Variants in CRLF3 observed in about 807,000 individuals in gnomAD.
CRLF3 encodes cytokine receptor like factor 3.
Under a neutral mutation model 55.0 loss-of-function variants are expected in CRLF3, and 33 were observed. The observed-to-expected ratio is 0.60, with a 90% CI of 0.46 to 0.80. The LOEUF (loss-of-function observed/expected upper bound fraction) is 0.80, where lower values mean the gene tolerates loss of function less well. Among genes scored for constraint, CRLF3 ranks in the 30% least tolerant of loss-of-function variants. The pLI, the probability that CRLF3 is intolerant of heterozygous loss-of-function variation, is 0.00. For synonymous variants in CRLF3, 238 were observed against 196.8 expected (o/e 1.21, Z -1.75); for missense variants, 494 against 538.4 (o/e 0.92, Z 0.82).
chr17:30,788,901 C>T (rs769763311), intron 6 of CRLF3, among the ~76,000 whole-genome samples: 12 of 151,988 alleles, frequency 7.9e-5, no homozygotes, highest in Non-Finnish European at 1.3e-4. Context: ...CCACCGTGCC[C>T]GGCTAACGTA....
intron 7 of CRLF3, 27 bp downstream of exon 7, chr17:30,785,892 A>C: frequency 8.6e-7 from 1 of 1,166,602 alleles, no homozygotes. Flanking sequence ...TATATTTCCA[A>C]GAGAATGACA....
At position 30,816,175 on chromosome 17, in the gene CRLF3, G is replaced by A. The variant is rs142719177; in HGVS notation, c.129+8348C>T. Among the ~76,000 whole-genome samples the A allele has an allele frequency of 8.1e-3, 1,220 of 151,316 alleles. 21 individuals are homozygous for A. Among genetic ancestry groups the A allele is most frequent in the African/African-American group, 0.028 (1,164 of 41,272 alleles). ...CATGCACCTGTAGTCCCAGCTACTC[G>A]GGAGGCTGAGGTGGGAGAATCACTC... On this transcript the variant is annotated intron_variant, in intron 1 of 7. Coordinates refer to ENST00000324238, the MANE Select transcript of CRLF3 (RefSeq NM_015986.4).
At chr17:30,784,606 C>T in intron 7 of CRLF3, 163 bp from the exon 8 acceptor site, 1 of 607,918 alleles carries the variant, frequency 1.6e-6, no homozygotes, top group Non-Finnish European at 2.8e-6. Flanking sequence ...GGGTTGTACT[C>T]TTCCAGCAGA....
At chr17:30,822,924 T>A (rs1248063872) in intron 1 of CRLF3, among the ~76,000 whole-genome samples, 2 of 152,150 alleles carry the variant, frequency 1.3e-5, no homozygotes, top group Non-Finnish European at 2.9e-5. Flanking sequence ...ATGCAGATAT[T>A]TTCAAAGAGA....
At chr17:30,804,903 C>T (rs1904339450) in intron 1 of CRLF3, among the ~76,000 whole-genome samples, 1 of 152,156 alleles carries the variant, frequency 6.6e-6, no homozygotes, top group African/African-American at 2.4e-5. Context: ...GTTATTTCAG[C>T]CGGGCGCAGT....
In CRLF3 at chr17:30,784,021, C is replaced by A; in HGVS notation, c.*166G>T. The A allele has an allele frequency of 1.7e-6, 1 of 602,128 alleles. No individual in the cohort carries two copies. Among genetic ancestry groups the A allele is most frequent in the South Asian group, 2.3e-5 (1 of 44,260 alleles). The allele number at this position is 602,128 out of a possible 1,614,324, so 37.3% of individuals were successfully genotyped here. On this transcript the variant is annotated 3_prime_UTR_variant, in exon 8 of 8. Coordinates refer to ENST00000324238, the MANE Select transcript of CRLF3 (RefSeq NM_015986.4). ...CTGAATTGTATGATTTTGTCCACAACATTGAAGTCTCTTTTTGCTAAAATA... is the reference window on the plus strand; with the variant it reads ...CTGAATTGTATGATTTTGTCCACAAAATTGAAGTCTCTTTTTGCTAAAATA...
chr17:30,785,599 A>G (rs552121273), intron 7 of CRLF3, among the ~76,000 whole-genome samples: 1 of 151,620 alleles, frequency 6.6e-6, no homozygotes, highest in Non-Finnish European at 1.5e-5. Flanking sequence ...CTGGGCAACA[A>G]CTTATCTTTA....
chr17:30,808,039 A>G (rs1904471873), intron 1 of CRLF3, among the ~76,000 whole-genome samples: 1 of 152,154 alleles, frequency 6.6e-6, no homozygotes, highest in Admixed American at 6.6e-5. Context: ...CAACTATGAG[A>G]TCTTTGCAAA....
intron 4 of CRLF3, among the ~76,000 whole-genome samples, chr17:30,795,194 ATC>A (rs1377709083): frequency 6.6e-6 from 1 of 152,206 alleles, no homozygotes; most frequent in East Asian, 1.9e-4. Context: ...TTTTAATAAA[ATC>A]TCAGCTGGGC....
At chr17:30,805,956 G>A (rs1188767261) in intron 1 of CRLF3, among the ~76,000 whole-genome samples, 4 of 152,112 alleles carry the variant, frequency 2.6e-5, no homozygotes, top group Non-Finnish European at 5.9e-5. Context: ...CCAGGGGGTC[G>A]AGACTGCAGT....
chr17:30,823,846 CCT>C (rs1270045167), intron 1 of CRLF3, among the ~76,000 whole-genome samples: 5 of 151,972 alleles, frequency 3.3e-5, no homozygotes, highest in Non-Finnish European at 7.4e-5. Context: ...CTTTGTATTC[CCT>C]CTCTCAAGGA....
chr17:30,823,978 A>G (rs1423930557), intron 1 of CRLF3, among the ~76,000 whole-genome samples: 1 of 152,104 alleles, frequency 6.6e-6, no homozygotes, highest in Non-Finnish European at 1.5e-5. Context: ...ATCGTATGAC[A>G]TATTATTCAG....
chr17:30,782,741 A>G lies in CRLF3; in HGVS notation c.*1446T>C, dbSNP rs1258591916. On this transcript the variant is annotated 3_prime_UTR_variant, in exon 8 of 8. Transcript: ENST00000324238. ...TGGCTGGACAAGGTATCTACATTCTAGAACATCTTCTTAATCCCTAAACAA... is the reference window on the plus strand; with the variant it reads ...TGGCTGGACAAGGTATCTACATTCTGGAACATCTTCTTAATCCCTAAACAA... 1 of 152,190 alleles carries G rather than the reference A, an allele frequency of 6.6e-6. No individual in the cohort carries two copies. The allele number at this position is 152,190 out of a possible 1,614,324, so 9.4% of individuals were successfully genotyped here.
At chr17:30,786,056 T>C in intron 6 of CRLF3, 25 bp from the exon 7 acceptor site, 1 of 1,252,304 alleles carries the variant, frequency 8.0e-7, no homozygotes, top group Non-Finnish European at 1.2e-6. Context: ...GAAAGGTCAT[T>C]TCATACTTTT....
chr17:30,807,517 CTTTTTTTTTTTTT>C (rs778842582), intron 1 of CRLF3, among the ~76,000 whole-genome samples: 12 of 62,970 alleles, frequency 1.9e-4, no homozygotes, highest in South Asian at 1.0e-3. Flanking sequence ...ATTTTCTTTC[CTTTTTTTTTTTTT>C]TTTTTTTTTT....
Position 30,796,323 on chromosome 17 carries a change from G to A in CRLF3, c.440C>T (p.Pro147Leu). 1 of 1,612,854 alleles carries A rather than the reference G, an allele frequency of 6.2e-7. No individual in the cohort carries two copies. Among genetic ancestry groups the A allele is most frequent in the African/African-American group, 1.3e-5 (1 of 75,012 alleles). The change falls in exon 4 of 8, where the codon CCT becomes CTT. Residue 147 changes from proline to leucine, a missense_variant. Coordinates refer to ENST00000324238, the MANE Select transcript of CRLF3 (RefSeq NM_015986.4). ...TAAACAAGGCACATCAACCAGTAAA[G>A]GTACTTCTGGTAAGCTGAGGAAACA... is the stretch of plus-strand genomic sequence containing the variant. ...HIQLDSLPEV[P>L]LLVDVPCLSA...
chr17:30,814,206 G>A (rs1431185668), intron 1 of CRLF3, among the ~76,000 whole-genome samples: 2 of 152,138 alleles, frequency 1.3e-5, no homozygotes, highest in South Asian at 2.1e-4. Flanking sequence ...GCAGTGAGCC[G>A]AGACTGAGAC....
At chr17:30,807,577 G>T (rs11869757) in intron 1 of CRLF3, among the ~76,000 whole-genome samples, 7 of 117,536 alleles carry the variant, frequency 6.0e-5, no homozygotes, top group Admixed American at 3.6e-4. Context: ...TTGTGGCCCA[G>T]ACTGGAGTGC....
At chr17:30,788,710 C>G (rs1210325933) in intron 6 of CRLF3, among the ~76,000 whole-genome samples, 2 of 145,136 alleles carry the variant, frequency 1.4e-5, no homozygotes, top group Non-Finnish European at 3.0e-5. Flanking sequence ...TGGGTTCAAG[C>G]GATTCTCCTG....
Sources: allele counts gnomAD v4.1 joint callset (sites outside exome capture counted in the v4.1 genomes callset), GRCh38; gene constraint gnomAD v4.1.1; transcripts MANE v1.5; gene names NCBI Gene and HGNC (gene_info 2026-07-23, HGNC 2026-07-21).